Variants in DNAH7 observed in about 807,000 individuals in gnomAD.
DNAH7 encodes the protein axonemal beta dynein heavy chain 7.
DNAH7 carries 397 observed loss-of-function variants against 444.6 expected under a neutral mutation model. The ratio of observed to expected loss-of-function variants is 0.89; its 90% CI spans 0.82 to 0.97. The LOEUF is 0.97. Ranked by LOEUF, DNAH7 falls within the 50% of genes least tolerant of loss-of-function variation. The pLI, the probability that DNAH7 is intolerant of heterozygous loss-of-function variation, is 0.00. For missense variants in DNAH7, 4,902 were observed against 4,800.8 expected, an observed-to-expected ratio of 1.02 and a Z score of -0.62; for synonymous variants, 1,636 against 1,624.4, an observed-to-expected ratio of 1.01 and a Z score of -0.17.
At chr2:195,891,965 A>C (rs1251052297) in intron 30 of DNAH7, among the ~76,000 whole-genome samples, 161 bp from the exon 31 acceptor site, 1 of 152,242 alleles carries the variant, frequency 6.6e-6, no homozygotes, top group Non-Finnish European at 1.5e-5. Flanking sequence ...TATAAAATCA[A>C]TTATATTATC....
chr2:195,750,798 C>A (rs1327436194), intron 63 of DNAH7, among the ~76,000 whole-genome samples: 1 of 152,162 alleles, frequency 6.6e-6, no homozygotes, highest in Non-Finnish European at 1.5e-5. Context: ...TACAGAGCAG[C>A]CCCACCATAG....
Position 195,876,541 on chromosome 2 carries a change from T to A in DNAH7, c.6117+3A>T, listed in dbSNP as rs1701071379. ...GCCCGGGTACTGTACAAAGAGTCAT[T>A]ACCATTCTCTTGCCCAAAGGAGGAC... On this transcript the variant is annotated splice_donor_region_variant and intron_variant, in intron 37 of 64. Transcript: ENST00000312428. 6.2e-7 allele frequency: 1 copy of A among 1,613,632 alleles called. No individual in the cohort carries two copies.
intron 48 of DNAH7, among the ~76,000 whole-genome samples, chr2:195,827,739 C>CAGCT (rs1697843473): frequency 6.6e-6 from 1 of 151,180 alleles, no homozygotes; most frequent in Admixed American, 6.6e-5. Context: ...CCACCAGGCT[C>CAGCT]AGCTAATTTT....
chr2:195,789,995 T>C (rs1244030219), intron 57 of DNAH7, among the ~76,000 whole-genome samples: 2 of 152,150 alleles, frequency 1.3e-5, no homozygotes, highest in Non-Finnish European at 2.9e-5. Flanking sequence ...ACAAAATCAA[T>C]GTACAAAAAT....
rs374115969 is a variant in DNAH7, at chr2:195,777,850, C to A, written c.11014G>T (p.Asp3672Tyr). 2.4e-5 allele frequency: 38 copies of A among 1,613,938 alleles called. No individual in the cohort carries two copies. Among genetic ancestry groups the A allele is most frequent in the African/African-American group, 8.0e-5 (6 of 74,928 alleles). ...FFNPELVENSDYKFDSSGIYF... is the reference protein window; with the variant it reads ...FFNPELVENSYYKFDSSGIYF... ...ATGCCACTTGAGTCGAACTTATAGT[C>A]TGAATTTTCAACTAATTCGGGATTG... The change falls in exon 59 of 65, where the codon GAC (aspartate) becomes TAC (tyrosine). Residue 3672 changes from aspartate (D) to tyrosine (Y), a missense_variant. By Grantham distance (160) the Asp-to-Tyr change is radical. Transcript: ENST00000312428.
chr2:196,028,419 C>T (rs1695827061), intron 5 of DNAH7, among the ~76,000 whole-genome samples: 1 of 152,068 alleles, frequency 6.6e-6, no homozygotes, highest in Non-Finnish European at 1.5e-5. Flanking sequence ...TTAAAAAGAA[C>T]ACTGATGGAA....
intron 17 of DNAH7, among the ~76,000 whole-genome samples, chr2:195,964,514 T>C (rs1022656619): frequency 6.6e-6 from 1 of 150,674 alleles, no homozygotes; most frequent in African/African-American, 2.5e-5. Flanking sequence ...ACTGAATTTA[T>C]CAGTTCTAAT....
intron 57 of DNAH7, among the ~76,000 whole-genome samples, chr2:195,793,756 C>T (rs1021968070): frequency 1.3e-5 from 2 of 152,054 alleles, no homozygotes; most frequent in Non-Finnish European, 2.9e-5. Context: ...GTTCATAACC[C>T]CTCTTAAAAA....
intron 36 of DNAH7, among the ~76,000 whole-genome samples, chr2:195,878,332 T>C (rs1024470699): frequency 4.6e-5 from 7 of 152,172 alleles, no homozygotes; most frequent in Middle Eastern, 3.4e-3. Context: ...AAAGGGTGGG[T>C]GTGGTGGCTC....
At chr2:195,868,689 A>C (rs1700497754) in intron 40 of DNAH7, among the ~76,000 whole-genome samples, 1 of 150,218 alleles carries the variant, frequency 6.7e-6, no homozygotes, top group Non-Finnish European at 1.5e-5. Context: ...TTGAAGCATA[A>C]AATTTTTTAA....
intron 17 of DNAH7, among the ~76,000 whole-genome samples, chr2:195,968,262 T>C (rs997414189): frequency 9.9e-5 from 15 of 152,260 alleles, no homozygotes; most frequent in South Asian, 4.2e-4. Flanking sequence ...CTAAGGCCCA[T>C]AGCATACCAC....
At chr2:195,957,695 C>T (rs943647689) in intron 18 of DNAH7, among the ~76,000 whole-genome samples, 21 of 151,204 alleles carry the variant, frequency 1.4e-4, no homozygotes, top group Admixed American at 4.0e-4. Flanking sequence ...TTCCAATTTC[C>T]ATTCATCTAG....
chr2:195,837,085 C>T (rs949135322), intron 47 of DNAH7, among the ~76,000 whole-genome samples: 1 of 152,172 alleles, frequency 6.6e-6, no homozygotes, highest in Non-Finnish European at 1.5e-5. Flanking sequence ...AATTCCTTAG[C>T]CGCATCATCC....
chr2:195,906,621 T>C (rs544596385), intron 27 of DNAH7, 38 bp downstream of exon 27: 1 of 1,586,040 alleles, frequency 6.3e-7, no homozygotes, highest in Non-Finnish European at 8.6e-7. Flanking sequence ...TTGTAAATTA[T>C]AGAGAAGAAA....
chr2:195,863,254 G>A (rs369280158), intron 41 of DNAH7, among the ~76,000 whole-genome samples: 2 of 152,200 alleles, frequency 1.3e-5, no homozygotes, highest in African/African-American at 4.8e-5. Context: ...TTACCAGGAA[G>A]TAGAGATACA....
intron 15 of DNAH7, among the ~76,000 whole-genome samples, chr2:195,974,581 T>C (rs1025802112): frequency 6.6e-6 from 1 of 152,170 alleles, no homozygotes; most frequent in South Asian, 2.1e-4. Context: ...GATGATACTC[T>C]CCATATTCAA....
intron 7 of DNAH7, among the ~76,000 whole-genome samples, chr2:196,024,790 T>C (rs763808314): frequency 5.9e-5 from 9 of 152,116 alleles, no homozygotes; most frequent in Non-Finnish European, 1.0e-4. Context: ...TTTTCCTTTA[T>C]AGCTATTCCA....
chr2:195,920,399 AC>A (rs989566193), intron 24 of DNAH7, among the ~76,000 whole-genome samples: 3 of 152,144 alleles, frequency 2.0e-5, no homozygotes, highest in Non-Finnish European at 4.4e-5. Flanking sequence ...AAAACAGAGA[AC>A]CCAGAAATAA....
intron 19 of DNAH7, among the ~76,000 whole-genome samples, chr2:195,948,926 C>T (rs1310668133): frequency 1.3e-5 from 2 of 152,162 alleles, no homozygotes; most frequent in Admixed American, 1.3e-4. Context: ...TATCCATGAG[C>T]ATGGAATCTT....
Sources: gnomAD v4.1 joint callset for allele counts (sites outside exome capture counted in the v4.1 genomes callset) on GRCh38, gnomAD v4.1.1 for gene constraint, MANE v1.5 for transcripts, NCBI Gene and HGNC (gene_info 2026-07-23, HGNC 2026-07-21) for gene names.